Variants in PTPRN2 observed in about 807,000 individuals in gnomAD.
The protein encoded by PTPRN2 is receptor-type tyrosine-protein phosphatase N2.
Under a neutral mutation model 118.8 loss-of-function variants are expected in PTPRN2, and 74 were observed. That is an observed-to-expected ratio of 0.62 (90% confidence interval 0.52 to 0.76). The LOEUF is 0.76. Ranked by LOEUF, PTPRN2 falls within the 30% of genes least tolerant of loss-of-function variation. The pLI is 0.00. For missense variants in PTPRN2, 1,481 were observed against 1,394.4 expected (o/e 1.06, Z -0.99); for synonymous variants, 641 against 608.0 (o/e 1.05, Z -0.80).
Position 157,895,775 on chromosome 7 carries a change from G to A in PTPRN2, c.1788+2898C>T, listed in dbSNP as rs113764022. ...CTGCCTAATCAAATGCTGTGGAGGCGTCAGGACCGTGATGGGAATGAGAGT... is the reference window on the plus strand; with the variant it reads ...CTGCCTAATCAAATGCTGTGGAGGCATCAGGACCGTGATGGGAATGAGAGT... On this transcript the variant is annotated intron_variant, in intron 12 of 22. Coordinates refer to ENST00000389418, the MANE Select transcript of PTPRN2 (RefSeq NM_002847.5). 8.0e-3 allele frequency among the ~76,000 whole-genome samples: 1,225 copies of A among 152,248 alleles called. 14 individuals carry two copies. The highest frequency in any genetic ancestry group is 0.028 in the African/African-American group (1,161 of 41,540).
intron 16 of PTPRN2, among the ~76,000 whole-genome samples, chr7:157,602,094 T>C (rs371119765): frequency 2.1e-4 from 32 of 152,328 alleles, no homozygotes; most frequent in African/African-American, 7.0e-4. Context: ...AATGAGGATC[T>C]TTGAAACCCA....
At chr7:157,649,118 T>C (rs1444673848) in intron 14 of PTPRN2, among the ~76,000 whole-genome samples, 27 of 77,198 alleles carry the variant, frequency 3.5e-4, no homozygotes, top group African/African-American at 3.9e-4. Flanking sequence ...TCGGACCCAT[T>C]CACTGTGCAC....
intron 19 of PTPRN2, 145 bp from the exon 20 acceptor site, chr7:157,571,638 G>A (rs1036941231): frequency 1.5e-5 from 9 of 602,244 alleles, no homozygotes; most frequent in African/African-American, 3.8e-5. Flanking sequence ...AAAATCATAC[G>A]CATAATATCA....
At chr7:157,667,752 C>T (rs948663182) in intron 13 of PTPRN2, among the ~76,000 whole-genome samples, 1 of 152,260 alleles carries the variant, frequency 6.6e-6, no homozygotes, top group South Asian at 2.1e-4. Context: ...ACCCTCCCCA[C>T]GGGGCAGCGT....
chr7:158,130,948 G>GAT (rs202107853), intron 9 of PTPRN2, among the ~76,000 whole-genome samples: 2,823 of 134,662 alleles, frequency 0.021, 73 homozygotes, highest in African/African-American at 0.067. Flanking sequence ...TGCACAAACT[G>GAT]ACACATCTAC....
At chr7:158,100,278 T>TGTGTGTGC (rs1359057394) in intron 10 of PTPRN2, among the ~76,000 whole-genome samples, 5 of 149,482 alleles carry the variant, frequency 3.3e-5, no homozygotes, top group African/African-American at 7.4e-5. Flanking sequence ...TGTGTGTGTG[T>TGTGTGTGC]GCCACGATTT....
chr7:158,556,647 T>C (rs1383169631), intron 1 of PTPRN2, among the ~76,000 whole-genome samples: 2 of 152,138 alleles, frequency 1.3e-5, no homozygotes, highest in East Asian at 1.9e-4. Flanking sequence ...AGGTAGAGGA[T>C]AGACAGAACA....
At chr7:158,354,689 C>A (rs765923645) in intron 2 of PTPRN2, among the ~76,000 whole-genome samples, 1 of 152,092 alleles carries the variant, frequency 6.6e-6, no homozygotes, top group Non-Finnish European at 1.5e-5. Flanking sequence ...AAAATTACCT[C>A]AAAACACCAA....
intron 12 of PTPRN2, among the ~76,000 whole-genome samples, chr7:157,856,796 TG>T (rs1383056857): frequency 2.0e-5 from 3 of 152,218 alleles, no homozygotes; most frequent in African/African-American, 7.2e-5. Flanking sequence ...TCAGTCAAAG[TG>T]GTCACTTCAT....
intron 13 of PTPRN2, among the ~76,000 whole-genome samples, chr7:157,665,675 A>C (rs2150766285): frequency 6.6e-6 from 1 of 152,372 alleles, no homozygotes; most frequent in South Asian, 2.1e-4. Context: ...CCATAAGGAC[A>C]CATGCACACA....
At chr7:157,689,104 C>T (rs1797343366) in intron 12 of PTPRN2, among the ~76,000 whole-genome samples, 1 of 152,214 alleles carries the variant, frequency 6.6e-6, no homozygotes, top group African/African-American at 2.4e-5. Context: ...GCCGCCACCG[C>T]CGCCGTCTTC....
intron 6 of PTPRN2, among the ~76,000 whole-genome samples, chr7:158,140,849 T>G (rs1819312784): frequency 1.3e-5 from 2 of 152,332 alleles, no homozygotes; most frequent in East Asian, 1.9e-4. Flanking sequence ...CTAAAGAAGG[T>G]TCATGGGCCC....
intron 2 of PTPRN2, among the ~76,000 whole-genome samples, chr7:158,387,577 A>AAGCACTCTCTGGGTCCTGGGGGGACT (rs1586542379): frequency 1.3e-5 from 2 of 151,182 alleles, no homozygotes; most frequent in East Asian, 1.9e-4. Context: ...CTGTCAGCTC[A>AAGCACTCTCTGGGTCCTGGGGGGACT]GCTTGGCCCG....
intron 11 of PTPRN2, among the ~76,000 whole-genome samples, chr7:158,035,462 G>GC (rs1808027712): frequency 1.3e-5 from 2 of 152,352 alleles, no homozygotes; most frequent in African/African-American, 4.8e-5. Flanking sequence ...GCAGCTGAGT[G>GC]TGGCAGTGGC....
intron 12 of PTPRN2, among the ~76,000 whole-genome samples, chr7:157,875,826 C>T (rs566175351): frequency 1.1e-4 from 16 of 148,540 alleles, no homozygotes; most frequent in African/African-American, 3.3e-4. Flanking sequence ...CAGGAGGGGC[C>T]GAGCCCCCAG....
Position 157,801,469 on chromosome 7 carries a change from A to G in PTPRN2, c.1788+97204T>C, listed in dbSNP as rs571044840. Among the ~76,000 whole-genome samples the G allele has an allele frequency of 6.6e-6, 1 of 152,246 alleles. No individual in the cohort carries two copies. Among genetic ancestry groups the G allele is most frequent in the South Asian group, 2.1e-4 (1 of 4,820 alleles). On this transcript the variant is annotated intron_variant, in intron 12 of 22. Transcript: ENST00000389418. The surrounding 1 kb of genome is among the most constrained non-coding windows in gnomAD (Gnocchi z 4.2). Reference sequence around the variant, plus strand: ...TTATCCTCCCCGTGAGAGCAGCTGCATGGATTTTTTTAATGTCAAATTCCA... The same window carrying G: ...TTATCCTCCCCGTGAGAGCAGCTGCGTGGATTTTTTTAATGTCAAATTCCA...
At chr7:157,597,122 C>T (rs543817954) in intron 16 of PTPRN2, among the ~76,000 whole-genome samples, 26 of 152,190 alleles carry the variant, frequency 1.7e-4, no homozygotes, top group African/African-American at 5.5e-4. Flanking sequence ...AAAAGAGGGG[C>T]GAGCATAAAG....
intron 14 of PTPRN2, among the ~76,000 whole-genome samples, chr7:157,633,011 T>C (rs1034018875): frequency 6.6e-6 from 1 of 152,218 alleles, no homozygotes; most frequent in Non-Finnish European, 1.5e-5. Context: ...GGTCTAGTCA[T>C]CTGTCCCTTC....
chr7:158,019,929 G>C (rs1390784886), intron 11 of PTPRN2, among the ~76,000 whole-genome samples: 3 of 152,236 alleles, frequency 2.0e-5, no homozygotes, highest in Non-Finnish European at 4.4e-5. Flanking sequence ...AGCTTCGCCA[G>C]ACATCCCTGG....
Sources: allele counts gnomAD v4.1 joint callset (sites outside exome capture counted in the v4.1 genomes callset), GRCh38; gene constraint gnomAD v4.1.1; non-coding constraint Gnocchi (gnomAD v3.1); transcripts MANE v1.5; gene names NCBI Gene and HGNC (gene_info 2026-07-23, HGNC 2026-07-21).